Variants in ATP11A observed in about 807,000 individuals in gnomAD.
The protein encoded by ATP11A is ATPase phospholipid transporting 11A.
In ATP11A, 81 loss-of-function variants were observed where a neutral mutation model predicts 154.4. The ratio of observed to expected loss-of-function variants is 0.52; its 90% CI spans 0.44 to 0.63. The LOEUF is 0.63. ATP11A is among the 30% of genes least tolerant of loss of function. The probability of loss-of-function intolerance (pLI) is 0.00; values close to 1 mark genes in which losing one functional copy is unlikely to be tolerated. For missense variants in ATP11A, 1,316 were observed against 1,474.3 expected, an observed-to-expected ratio of 0.89 and a Z score of 1.76; for synonymous variants, 623 against 585.9, an observed-to-expected ratio of 1.06 and a Z score of -0.91.
intron 3 of ATP11A, among the ~76,000 whole-genome samples, chr13:112,805,888 T>G: frequency 6.6e-6 from 1 of 151,956 alleles, no homozygotes; most frequent in East Asian, 1.9e-4. Flanking sequence ...TTTCCAACAT[T>G]AAATTATTCA....
intron 1 of ATP11A, among the ~76,000 whole-genome samples, chr13:112,729,589 C>T (rs1005330193): frequency 1.3e-5 from 2 of 152,326 alleles, no homozygotes; most frequent in Non-Finnish European, 2.9e-5. Flanking sequence ...TGTTGGAAGG[C>T]ACTGAGGCAG....
At position 112,857,892 on chromosome 13, in the gene ATP11A, C is replaced by T; in HGVS notation, c.2493C>T (p.Ser831=). ...LAIGDGANDV[S]MILEAHVGIG... Reference sequence around the variant, plus strand: ...TTGGCGATGGTGCAAATGATGTCAGCATGATTCTGGAAGCGCACGTGGGCA... The same window carrying T: ...TTGGCGATGGTGCAAATGATGTCAGTATGATTCTGGAAGCGCACGTGGGCA... The change falls in exon 21 of 30, where the codon AGC becomes AGT. Residue 831 remains serine, a synonymous_variant. Coordinates refer to ENST00000375645, the MANE Select transcript of ATP11A (RefSeq NM_015205.3). The T allele has an allele frequency of 1.9e-6, 3 of 1,614,236 alleles. No individual in the cohort carries two copies. In the South Asian group the frequency reaches 3.3e-5, roughly 18 times the overall value.
intron 17 of ATP11A, among the ~76,000 whole-genome samples, chr13:112,850,293 G>A (rs2079726679): frequency 1.3e-5 from 2 of 152,138 alleles, no homozygotes; most frequent in South Asian, 2.1e-4. Flanking sequence ...CAGGGAAAAC[G>A]GAAGGGGAAC....
intron 1 of ATP11A, among the ~76,000 whole-genome samples, chr13:112,715,489 T>TCCAC (rs1436511568): frequency 1.2e-4 from 1 of 8,480 alleles, no homozygotes; most frequent in Admixed American, 1.9e-3. Context: ...CCCATCCCCG[T>TCCAC]ACCTGGCCCA....
chr13:112,828,588 C>T (rs777029688), intron 12 of ATP11A, among the ~76,000 whole-genome samples: 3 of 151,584 alleles, frequency 2.0e-5, no homozygotes, highest in Non-Finnish European at 2.9e-5. Flanking sequence ...AAGTGCCCAG[C>T]GGTGTTGAGT....
intron 25 of ATP11A, among the ~76,000 whole-genome samples, chr13:112,865,847 G>T (rs1004886804): frequency 6.6e-6 from 1 of 152,222 alleles, no homozygotes; most frequent in Non-Finnish European, 1.5e-5. Context: ...CACCATGCAC[G>T]GCCAGCCTGC....
At chr13:112,871,941 G>A (rs534684606) in intron 26 of ATP11A, 141 bp downstream of exon 26, 2 of 827,122 alleles carry the variant, frequency 2.4e-6, no homozygotes, top group East Asian at 4.9e-5. Flanking sequence ...CTGGCTCCTG[G>A]GGCACCCCTG....
chr13:112,711,216 A>T (rs1200680975), intron 1 of ATP11A, among the ~76,000 whole-genome samples: 1 of 152,198 alleles, frequency 6.6e-6, no homozygotes, highest in Non-Finnish European at 1.5e-5. Context: ...AAAATGCTGA[A>T]ATTTAGAAGG....
At chr13:112,821,486 G>A (rs1057189906) in intron 8 of ATP11A, among the ~76,000 whole-genome samples, 2 of 151,982 alleles carry the variant, frequency 1.3e-5, no homozygotes, top group Non-Finnish European at 2.9e-5. Flanking sequence ...GCTAATTTTT[G>A]TATTTATAGT....
intron 16 of ATP11A, 104 bp from the exon 17 acceptor site, chr13:112,842,172 C>A: frequency 1.1e-6 from 1 of 887,394 alleles, no homozygotes. Context: ...AAGCTTTCCA[C>A]ACTGCTATCC....
At position 112,857,056 on chromosome 13, in the gene ATP11A, T is replaced by G. The variant is rs537597271; in HGVS notation, c.2419-762T>G. ...ATTACTTCCCAAATGGAACAGCAAC[T>G]AAGGATTTGCCATTCGCTCTTCATG... On this transcript the variant is annotated intron_variant, in intron 20 of 29. Coordinates refer to ENST00000375645, the MANE Select transcript of ATP11A (RefSeq NM_015205.3). 2.0e-5 allele frequency among the ~76,000 whole-genome samples: 3 copies of G among 152,352 alleles called. No individual in the cohort carries two copies. The East Asian group carries it at 5.8e-4, about 29-fold the overall frequency.
chr13:112,878,612 C>T (rs899873893), intron 29 of ATP11A, among the ~76,000 whole-genome samples: 4 of 152,242 alleles, frequency 2.6e-5, no homozygotes, highest in Admixed American at 2.6e-4. Context: ...ACCCCTCACA[C>T]AGGTGTCAGA....
intron 1 of ATP11A, among the ~76,000 whole-genome samples, chr13:112,715,070 A>C (rs1292735432): frequency 6.6e-6 from 1 of 152,186 alleles, no homozygotes; most frequent in Non-Finnish European, 1.5e-5. Context: ...CAAAGTCCAC[A>C]AGGGTCCCTG....
rs544495212 is a variant in ATP11A at position 112,851,300 on chromosome 13, C to G, written c.1991+82C>G. 1.1e-5 allele frequency: 16 copies of G among 1,440,052 alleles called. No homozygotes were observed. The East Asian group carries it at 3.4e-4, about 31-fold the overall frequency. The allele number at this position is 1,440,052 out of a possible 1,614,324, so 89.2% of individuals were successfully genotyped here. ...CCCAGGGCGTGTGAGGGCGAGTGGACGGGAGGGAGGCCATCCGCACAGCCG... is the reference window on the plus strand; with the variant it reads ...CCCAGGGCGTGTGAGGGCGAGTGGAGGGGAGGGAGGCCATCCGCACAGCCG... On this transcript the variant is annotated intron_variant, in intron 18 of 29. Transcript: ENST00000375645.
At chr13:112,872,122 C>G (rs967164984) in intron 26 of ATP11A, among the ~76,000 whole-genome samples, 4 of 152,144 alleles carry the variant, frequency 2.6e-5, no homozygotes, top group African/African-American at 9.7e-5. Context: ...CTCCCCCCAG[C>G]GCCATCAAAA....
rs530190440 is a variant in ATP11A at position 112,859,837 on chromosome 13, C to T, written c.2727+385C>T. 1.1e-4 allele frequency among the ~76,000 whole-genome samples: 16 copies of T among 152,300 alleles called. No homozygotes were observed. The East Asian group carries it at 2.9e-3, about 28-fold the overall frequency. On this transcript the variant is annotated intron_variant, in intron 23 of 29. Coordinates refer to ENST00000375645, the MANE Select transcript of ATP11A (RefSeq NM_015205.3). The surrounding 1 kb of genome is among the most constrained non-coding windows in gnomAD (Gnocchi z 4.3). ...GTGCCTGGCACGTTAACACATGCAACGTGCCCATAGGGGAAGAAGACAGTT... is the reference window on the plus strand; with the variant it reads ...GTGCCTGGCACGTTAACACATGCAATGTGCCCATAGGGGAAGAAGACAGTT...
At chr13:112,813,990 C>CAGG (rs2078573637) in intron 5 of ATP11A, among the ~76,000 whole-genome samples, 1 of 152,052 alleles carries the variant, frequency 6.6e-6, no homozygotes, top group Non-Finnish European at 1.5e-5. Context: ...TAATACTCAG[C>CAGG]AGGATATTTC....
At chr13:112,765,620 C>T (rs180819883) in intron 1 of ATP11A, among the ~76,000 whole-genome samples, 2 of 152,364 alleles carry the variant, frequency 1.3e-5, no homozygotes, top group Admixed American at 6.5e-5. Context: ...GAGGGTTGAT[C>T]TTTTGAATGA....
chr13:112,874,992 T>C (rs2080673879), intron 27 of ATP11A, among the ~76,000 whole-genome samples: 2 of 152,198 alleles, frequency 1.3e-5, no homozygotes, highest in Non-Finnish European at 2.9e-5. Context: ...TTTGATGTGC[T>C]GGGAGCTCAC....
Sources: allele counts gnomAD v4.1 joint callset (sites outside exome capture counted in the v4.1 genomes callset), GRCh38; gene constraint gnomAD v4.1.1; non-coding constraint Gnocchi (gnomAD v3.1); transcripts MANE v1.5; gene names NCBI Gene and HGNC (gene_info 2026-07-23, HGNC 2026-07-21).